HS3ST4: variants seen among roughly 807,000 people sequenced by gnomAD.
HS3ST4 encodes the protein heparan sulfate glucosamine 3-O-sulfotransferase 4.
A neutral mutation model predicts 29.2 loss-of-function variants in HS3ST4; 17 were observed. That is an observed-to-expected ratio of 0.58 (90% CI 0.40 to 0.87). HS3ST4 has a LOEUF of 0.87. Among genes scored for constraint, HS3ST4 ranks in the 40% least tolerant of loss-of-function variants. The pLI, the probability that HS3ST4 is intolerant of heterozygous loss-of-function variation, is 0.00. For synonymous variants in HS3ST4, 314 were observed against 285.7 expected (o/e 1.10, Z -1.00); for missense variants, 627 against 634.5 (o/e 0.99, Z 0.13).
intron 1 of HS3ST4, among the ~76,000 whole-genome samples, chr16:25,807,664 G>A (rs969198528): frequency 5.9e-5 from 9 of 152,060 alleles, no homozygotes; most frequent in African/African-American, 2.2e-4. Context: ...GTTTTTTCTA[G>A]AATAAATGCC....
intron 1 of HS3ST4, among the ~76,000 whole-genome samples, chr16:25,996,823 T>C (rs1969162960): frequency 6.6e-6 from 1 of 152,182 alleles, no homozygotes; most frequent in African/African-American, 2.4e-5. Context: ...TCCATTAATA[T>C]AATTTTGATG....
chr16:25,794,068 G>A (rs1251083494), intron 1 of HS3ST4, among the ~76,000 whole-genome samples: 1 of 151,912 alleles, frequency 6.6e-6, no homozygotes, highest in African/African-American at 2.4e-5. Context: ...TCTTGGTGTT[G>A]TAATTTACGC....
chr16:25,759,817 A>G (rs1384086293), intron 1 of HS3ST4, among the ~76,000 whole-genome samples: 1 of 151,968 alleles, frequency 6.6e-6, no homozygotes, highest in African/African-American at 2.4e-5. Flanking sequence ...AGTCCCAGCT[A>G]CTCGGGAGGC....
intron 1 of HS3ST4, among the ~76,000 whole-genome samples, chr16:26,005,401 G>A (rs931780664): frequency 6.6e-6 from 1 of 152,188 alleles, no homozygotes; most frequent in African/African-American, 2.4e-5. Flanking sequence ...CGGGAGATAA[G>A]CAGCCTTAGA....
intron 1 of HS3ST4, among the ~76,000 whole-genome samples, chr16:25,944,642 T>A (rs1478894834): frequency 6.6e-6 from 1 of 152,150 alleles, no homozygotes. Flanking sequence ...TTTCACCCCA[T>A]GAGCTACCTA....
At chr16:25,839,721 C>T (rs1469229092) in intron 1 of HS3ST4, among the ~76,000 whole-genome samples, 1 of 152,126 alleles carries the variant, frequency 6.6e-6, no homozygotes, top group Non-Finnish European at 1.5e-5. Flanking sequence ...AAATTTTTAG[C>T]ATGAGAGTCT....
chr16:26,096,345 A>G (rs1165891056), intron 1 of HS3ST4, among the ~76,000 whole-genome samples: 4 of 152,226 alleles, frequency 2.6e-5, no homozygotes, highest in Non-Finnish European at 4.4e-5. Flanking sequence ...AAAATCCTCA[A>G]TAAAATACTG....
chr16:25,828,242 C>CTTTTTCTCTCTT (rs1371928058), intron 1 of HS3ST4, among the ~76,000 whole-genome samples: 1 of 75,016 alleles, frequency 1.3e-5, no homozygotes, highest in Non-Finnish European at 2.5e-5. Flanking sequence ...TTCTTTCTTT[C>CTTTTTCTCTCTT]TCTTTCTTTC....
chr16:25,932,637 A>T (rs1013058471), intron 1 of HS3ST4, among the ~76,000 whole-genome samples: 4 of 152,222 alleles, frequency 2.6e-5, no homozygotes, highest in African/African-American at 9.6e-5. Context: ...AATACCTGGT[A>T]TATTAGATGC....
intron 1 of HS3ST4, among the ~76,000 whole-genome samples, chr16:25,981,006 G>A (rs1968998388): frequency 2.6e-5 from 4 of 152,100 alleles, no homozygotes; most frequent in Admixed American, 2.6e-4. Context: ...CTGGTATCTG[G>A]CTCTAGGATG....
intron 1 of HS3ST4, among the ~76,000 whole-genome samples, chr16:26,109,677 A>T (rs1322185816): frequency 2.7e-5 from 4 of 150,148 alleles, no homozygotes; most frequent in Non-Finnish European, 5.9e-5. Flanking sequence ...GTCAATGCCC[A>T]GTTCTCCAGC....
chr16:25,938,818 C>T (rs1227153932), intron 1 of HS3ST4, among the ~76,000 whole-genome samples: 2 of 152,080 alleles, frequency 1.3e-5, no homozygotes, highest in Admixed American at 1.3e-4. Flanking sequence ...GCAGATTTTT[C>T]TATTATTTGT....
intron 1 of HS3ST4, among the ~76,000 whole-genome samples, chr16:25,788,467 G>T (rs116824116): frequency 6.8e-6 from 1 of 147,026 alleles, no homozygotes; most frequent in South Asian, 2.1e-4. Flanking sequence ...AATAATCTAC[G>T]TATTATTTCA....
intron 1 of HS3ST4, among the ~76,000 whole-genome samples, chr16:25,843,910 CCT>C (rs1967439798): frequency 6.6e-6 from 1 of 152,230 alleles, no homozygotes; most frequent in East Asian, 1.9e-4. Flanking sequence ...TTTTGAATGG[CCT>C]CTCTCATGTT....
intron 1 of HS3ST4, among the ~76,000 whole-genome samples, chr16:26,080,961 G>A (rs1283375467): frequency 6.6e-6 from 1 of 152,128 alleles, no homozygotes. Flanking sequence ...GAAATATACA[G>A]TCAGACTCCA....
Position 25,991,212 on chromosome 16 carries a change from G to A in HS3ST4, c.735-144400G>A, listed in dbSNP as rs1026460662. Among the ~76,000 whole-genome samples the A allele has an allele frequency of 2.6e-5, 4 of 152,152 alleles. No homozygotes were observed. The East Asian group carries it at 5.8e-4, about 22-fold the overall frequency. On this transcript the variant is annotated intron_variant, in intron 1 of 1. Transcript: ENST00000331351. ...ACCAGGGAACTCGGGCAGCAGATGT[G>A]TTTATATGCAGGATACTAAATAGAT...
At chr16:25,754,291 T>A (rs1215883673) in intron 1 of HS3ST4, among the ~76,000 whole-genome samples, 1 of 151,874 alleles carries the variant, frequency 6.6e-6, no homozygotes, top group Admixed American at 6.6e-5. Flanking sequence ...AATCACACAC[T>A]CCATACAGCT....
intron 1 of HS3ST4, among the ~76,000 whole-genome samples, chr16:25,929,922 A>G (rs1968446498): frequency 6.6e-6 from 1 of 152,176 alleles, no homozygotes; most frequent in South Asian, 2.1e-4. Context: ...CCAGTGCCCA[A>G]CAGTTATTTT....
chr16:25,878,520 C>T (rs181895102), intron 1 of HS3ST4, among the ~76,000 whole-genome samples: 1 of 152,194 alleles, frequency 6.6e-6, no homozygotes. Flanking sequence ...CTAACACAAC[C>T]AAAAATGGTC....
Sources: gnomAD v4.1 joint callset for allele counts (sites outside exome capture counted in the v4.1 genomes callset) on GRCh38, gnomAD v4.1.1 for gene constraint, MANE v1.5 for transcripts, NCBI Gene and HGNC (gene_info 2026-07-23, HGNC 2026-07-21) for gene names.